SH3D19: variants seen among roughly 807,000 people sequenced by gnomAD.
SH3D19 encodes the protein SH3 domain-containing protein 19.
SH3D19 carries 58 observed loss-of-function variants against 112.1 expected under a neutral mutation model. That is an observed-to-expected ratio of 0.52 (90% CI 0.42 to 0.64). The LOEUF (loss-of-function observed/expected upper bound fraction) is 0.64. Ranked by LOEUF, SH3D19 falls within the 30% of genes least tolerant of loss-of-function variation. The pLI is 0.00. For missense variants in SH3D19, 1,090 were observed against 1,263.4 expected (o/e 0.86, Z 2.08); for synonymous variants, 391 against 448.5 (o/e 0.87, Z 1.62).
At chr4:151,183,958 C>T (rs372216129) in intron 3 of SH3D19, among the ~76,000 whole-genome samples, 1 of 152,154 alleles carries the variant, frequency 6.6e-6, no homozygotes, top group African/African-American at 2.4e-5. Flanking sequence ...ACACCTACCA[C>T]GCACAGTGTT....
chr4:151,270,059 CTT>C (rs748306051), intron 1 of SH3D19, among the ~76,000 whole-genome samples: 1 of 144,838 alleles, frequency 6.9e-6, no homozygotes. Flanking sequence ...TTGCAGTTAA[CTT>C]TTTTTTTTTT....
In SH3D19 at chr4:151,133,389, A is replaced by G. The variant is rs148966463; in HGVS notation, c.2487-153T>C. Among the ~76,000 whole-genome samples the G allele has an allele frequency of 1.0e-3, 156 of 152,356 alleles. 1 individual carries two copies. The highest frequency in any genetic ancestry group is 6.2e-3 in the East Asian group (32 of 5,194). ...TGAAATTATTCCATGAAAAAGAGTA[A>G]GTTACACTTTTAAGTAACAGATATG... On this transcript the variant is annotated intron_variant, in intron 15 of 19. Transcript: ENST00000604030.
At chr4:151,215,068 CG>C (rs1230097761) in intron 2 of SH3D19, among the ~76,000 whole-genome samples, 1 of 141,058 alleles carries the variant, frequency 7.1e-6, no homozygotes, top group Non-Finnish European at 1.6e-5. Flanking sequence ...ACATCTCAGA[CG>C]ATGGGCGGCC....
At position 151,187,408 on chromosome 4, in the gene SH3D19, A is replaced by C. The variant is rs4266274; in HGVS notation, c.193+15T>G. ...ATTACAGAGGAAAATACAGAGAAGGAAAAAACAAACTTACATCTCTTGATT... is the reference window on the plus strand; with the variant it reads ...ATTACAGAGGAAAATACAGAGAAGGCAAAAACAAACTTACATCTCTTGATT... On this transcript the variant is annotated intron_variant, in intron 3 of 19. Coordinates refer to ENST00000604030, the MANE Select transcript of SH3D19 (RefSeq NM_001378122.1). 4 of 1,219,794 alleles carry C rather than the reference A, an allele frequency of 3.3e-6. No individual in the cohort carries two copies. Among genetic ancestry groups the C allele is most frequent in the Non-Finnish European group, 1.0e-6 (1 of 976,762 alleles). 75.6% of individuals were successfully genotyped at this position (1,219,794 alleles called of 1,614,324 possible).
At chr4:151,281,319 A>T (rs977312769) in intron 1 of SH3D19, among the ~76,000 whole-genome samples, 2 of 152,206 alleles carry the variant, frequency 1.3e-5, no homozygotes, top group African/African-American at 4.8e-5. Context: ...GGAGAAGCAA[A>T]ACGTTTTATA....
intron 1 of SH3D19, among the ~76,000 whole-genome samples, chr4:151,316,446 A>G (rs1174562734): frequency 3.3e-5 from 5 of 152,166 alleles, no homozygotes; most frequent in Non-Finnish European, 7.3e-5. Flanking sequence ...ATACATCAAT[A>G]TTAGTTCATT....
At chr4:151,254,778 CCTTT>C (rs1221218866) in intron 1 of SH3D19, among the ~76,000 whole-genome samples, 50 of 151,664 alleles carry the variant, frequency 3.3e-4, no homozygotes, top group African/African-American at 1.2e-3. Flanking sequence ...ACCTTTCCCG[CCTTT>C]CTATTCCACA....
chr4:151,214,943 C>G (rs1344933359), intron 2 of SH3D19, among the ~76,000 whole-genome samples: 36 of 144,302 alleles, frequency 2.5e-4, no homozygotes, highest in Admixed American at 1.2e-3. Flanking sequence ...AGGGTCTCCT[C>G]CCTTCTCAGA....
intron 1 of SH3D19, chr4:151,277,096 G>A: frequency 8.8e-7 from 1 of 1,142,738 alleles, no homozygotes; most frequent in Non-Finnish European, 1.1e-6. Context: ...GCTAGTTCTG[G>A]CAGCTCCCCA....
chr4:151,226,078 C>A lies in SH3D19; in HGVS notation c.121G>T (p.Glu41Ter). 2 of 1,231,670 alleles carry A rather than the reference C, an allele frequency of 1.6e-6. No individual in the cohort carries two copies. The highest frequency in any genetic ancestry group is 2.0e-6 in the Non-Finnish European group (2 of 987,646). 76.3% of individuals were successfully genotyped at this position (1,231,670 alleles called of 1,614,324 possible). ...LSGHSAADRNERNKPEHRSSS... is the reference protein window; with the variant it reads ...LSGHSAADRN ...GAACGATGTTCTGGTTTATTTCGTT[C>A]GTTGCGATCTGTAGAGAAAGAAGAT... Residue 41 changes from glutamate (E) to a stop codon, truncating the protein, a stop_gained, in exon 2 of 20, where the codon GAA becomes TAA. Transcript: ENST00000604030. LOFTEE classifies it high-confidence loss of function.
chr4:151,123,399 T>A (rs562113285), intron 19 of SH3D19, among the ~76,000 whole-genome samples: 7 of 152,352 alleles, frequency 4.6e-5, no homozygotes, highest in African/African-American at 1.4e-4. Context: ...GCACTCTACA[T>A]TTATTCTTGC....
intron 2 of SH3D19, among the ~76,000 whole-genome samples, chr4:151,222,355 A>T (rs887155641): frequency 6.6e-6 from 1 of 152,200 alleles, no homozygotes; most frequent in Non-Finnish European, 1.5e-5. Flanking sequence ...ACAGTTTCCA[A>T]TATCTGCTTC....
chr4:151,128,739 C>G (rs1447093072), intron 17 of SH3D19, among the ~76,000 whole-genome samples: 1 of 152,166 alleles, frequency 6.6e-6, no homozygotes, highest in Non-Finnish European at 1.5e-5. Context: ...TTCCTGGGCT[C>G]AGGCAATCCT....
chr4:151,158,290 C>A (rs549288085), intron 9 of SH3D19, among the ~76,000 whole-genome samples: 206 of 151,944 alleles, frequency 1.4e-3, no homozygotes, highest in Non-Finnish European at 2.0e-3. Context: ...AGTCTTTATT[C>A]TTTATTTATT....
At chr4:151,147,076 A>C (rs1236764855) in intron 11 of SH3D19, among the ~76,000 whole-genome samples, 2 of 152,240 alleles carry the variant, frequency 1.3e-5, no homozygotes, top group Non-Finnish European at 2.9e-5. Context: ...TATTAGATAT[A>C]AACTATATCA....
intron 1 of SH3D19, among the ~76,000 whole-genome samples, chr4:151,233,386 C>A (rs72723778): frequency 6.6e-6 from 1 of 152,050 alleles, no homozygotes; most frequent in African/African-American, 2.4e-5. Flanking sequence ...GGTTGGGGAC[C>A]GCTGCATTAA....
intron 1 of SH3D19, among the ~76,000 whole-genome samples, chr4:151,255,133 C>G (rs957915472): frequency 2.7e-5 from 4 of 150,322 alleles, no homozygotes; most frequent in Admixed American, 6.6e-5. Context: ...GCTGACCCCC[C>G]CCACCTCCCT....
intron 1 of SH3D19, among the ~76,000 whole-genome samples, chr4:151,258,860 T>A (rs1772146697): frequency 6.6e-6 from 1 of 151,784 alleles, no homozygotes; most frequent in Non-Finnish European, 1.5e-5. Flanking sequence ...GGGCAGGGAG[T>A]GCTGGCCCTC....
At chr4:151,297,682 C>G (rs571699761) in intron 1 of SH3D19, among the ~76,000 whole-genome samples, 10 of 152,204 alleles carry the variant, frequency 6.6e-5, no homozygotes, top group African/African-American at 2.4e-4. Context: ...ATGAGGAAGG[C>G]TAGAGGAGGA....
Sources: gnomAD v4.1 joint callset for allele counts (sites outside exome capture counted in the v4.1 genomes callset) on GRCh38, gnomAD v4.1.1 for gene constraint, MANE v1.5 for transcripts, NCBI Gene and HGNC (gene_info 2026-07-23, HGNC 2026-07-21) for gene names.